DCDC2: variants seen among roughly 807,000 people sequenced by gnomAD.
DCDC2 encodes the protein doublecortin domain-containing protein 2.
In DCDC2, 40 loss-of-function variants were observed where a neutral mutation model predicts 50.2. That is an observed-to-expected ratio of 0.80 (90% CI 0.62 to 1.04). The LOEUF (loss-of-function observed/expected upper bound fraction) is 1.04, where lower values mean the gene tolerates loss of function less well. Among genes scored for constraint, DCDC2 ranks in the 50% least tolerant of loss-of-function variants. The probability of loss-of-function intolerance (pLI) is 0.00; values close to 1 mark genes in which losing one functional copy is unlikely to be tolerated. For synonymous variants in DCDC2, 234 were observed against 210.6 expected (o/e 1.11, Z -0.96); for missense variants, 570 against 581.9 (o/e 0.98, Z 0.21).
At position 24,317,378 on chromosome 6, in the gene DCDC2, A is replaced by T. The variant is rs1282740816; in HGVS notation, c.349-15334T>A. Among the ~76,000 whole-genome samples the T allele has an allele frequency of 3.3e-5, 5 of 152,130 alleles. No individual in the cohort carries two copies. In the East Asian group the frequency reaches 9.6e-4, roughly 29 times the overall value. On this transcript the variant is annotated intron_variant, in intron 2 of 9. Coordinates refer to ENST00000378454, the MANE Select transcript of DCDC2 (RefSeq NM_016356.5). Reference sequence around the variant, plus strand: ...TAGTATATGATGAAGTTGGCATTTCAAATCACTGGAGCAAAGATAAACTTT... The same window carrying T: ...TAGTATATGATGAAGTTGGCATTTCTAATCACTGGAGCAAAGATAAACTTT...
intron 2 of DCDC2, among the ~76,000 whole-genome samples, chr6:24,349,851 A>G (rs1760333046): frequency 6.6e-6 from 1 of 152,148 alleles, no homozygotes; most frequent in African/African-American, 2.4e-5. Flanking sequence ...GATATTAGTA[A>G]AAGCAGGACC....
chr6:24,224,231 T>C (rs1762178866), intron 7 of DCDC2, among the ~76,000 whole-genome samples: 1 of 152,220 alleles, frequency 6.6e-6, no homozygotes, highest in Non-Finnish European at 1.5e-5. Context: ...CATTCATTCA[T>C]CCATTCATTC....
chr6:24,267,507 A>C (rs868448079), intron 7 of DCDC2, among the ~76,000 whole-genome samples: 1 of 152,250 alleles, frequency 6.6e-6, no homozygotes, highest in Non-Finnish European at 1.5e-5. Context: ...GTTAAATGTA[A>C]AAGTATGAAA....
chr6:24,281,910 T>A (rs532462502), intron 6 of DCDC2, among the ~76,000 whole-genome samples: 2 of 152,246 alleles, frequency 1.3e-5, no homozygotes, highest in African/African-American at 4.8e-5. Context: ...ATAAATAAAT[T>A]AACTTTCTAA....
At chr6:24,228,966 G>T (rs1762287750) in intron 7 of DCDC2, among the ~76,000 whole-genome samples, 1 of 152,176 alleles carries the variant, frequency 6.6e-6, no homozygotes, top group Admixed American at 6.5e-5. Context: ...TTCTGGTTCT[G>T]TTTTTGGCTT....
intron 8 of DCDC2, among the ~76,000 whole-genome samples, chr6:24,197,980 C>T (rs1290992498): frequency 6.6e-6 from 1 of 152,128 alleles, no homozygotes; most frequent in Admixed American, 6.5e-5. Context: ...AAAATTAACA[C>T]TACTTAGTCC....
chr6:24,270,273 C>G (rs765592279), intron 7 of DCDC2, among the ~76,000 whole-genome samples: 3 of 152,140 alleles, frequency 2.0e-5, no homozygotes, highest in Non-Finnish European at 4.4e-5. Flanking sequence ...TCTTTTCCCC[C>G]TCATTCACTA....
chr6:24,348,411 A>ACTCATCACC (rs1237579989), intron 2 of DCDC2, among the ~76,000 whole-genome samples: 2 of 152,194 alleles, frequency 1.3e-5, no homozygotes, highest in East Asian at 3.9e-4. Flanking sequence ...AGCAGTCATC[A>ACTCATCACC]CTCAAAGAAG....
At chr6:24,226,488 T>C (rs1468234136) in intron 7 of DCDC2, among the ~76,000 whole-genome samples, 1 of 152,206 alleles carries the variant, frequency 6.6e-6, no homozygotes, top group East Asian at 1.9e-4. Context: ...GAGCAGACTA[T>C]GGCAAGACTT....
chr6:24,176,327 A>C (rs76920301), intron 9 of DCDC2, among the ~76,000 whole-genome samples: 5 of 15,548 alleles, frequency 3.2e-4, no homozygotes, highest in Non-Finnish European at 1.3e-3. Context: ...ATGTTGTCTC[A>C]AAAAAAAAAA....
the DCDC2 span, among the ~76,000 whole-genome samples, chr6:24,382,118 C>T: frequency 6.6e-6 from 1 of 152,062 alleles, no homozygotes; most frequent in Non-Finnish European, 1.5e-5. Context: ...GCTCAAAATC[C>T]TTTCAATACT....
chr6:24,306,331 C>G (rs1470810353), intron 2 of DCDC2, among the ~76,000 whole-genome samples: 1 of 152,146 alleles, frequency 6.6e-6, no homozygotes, highest in South Asian at 2.1e-4. Flanking sequence ...ACACTGATGA[C>G]TGACCTCTTG....
intron 4 of DCDC2, among the ~76,000 whole-genome samples, chr6:24,297,098 G>A (rs1759267688): frequency 6.6e-6 from 1 of 152,158 alleles, no homozygotes; most frequent in Non-Finnish European, 1.5e-5. Context: ...TAAAGAAAAA[G>A]TGGTACATAT....
intron 8 of DCDC2, among the ~76,000 whole-genome samples, chr6:24,180,904 A>G (rs1186228643): frequency 6.6e-6 from 1 of 152,230 alleles, no homozygotes; most frequent in Non-Finnish European, 1.5e-5. Flanking sequence ...TTAAGAAGAA[A>G]GAGTTGGAAC....
chr6:24,275,925 A>G (rs1271526478), intron 7 of DCDC2, among the ~76,000 whole-genome samples: 1 of 132,482 alleles, frequency 7.5e-6, no homozygotes, highest in Non-Finnish European at 1.5e-5. Context: ...GCTGGAGTGC[A>G]GTGACACGAT....
Position 24,178,754 on chromosome 6 carries a change from A to G in DCDC2, c.1024-122T>C, listed in dbSNP as rs1760983484. ...TAAAACATTCTTACATTTGCATAGT[A>G]CTTTACAGTATAGAACGCACTTACG... On this transcript the variant is annotated intron_variant, in intron 8 of 9. Coordinates refer to ENST00000378454, the MANE Select transcript of DCDC2 (RefSeq NM_016356.5). The G allele has an allele frequency of 5.0e-6, 5 of 1,002,610 alleles. No homozygotes were observed. The South Asian group carries it at 8.1e-5, about 16-fold the overall frequency. The allele number at this position is 1,002,610 out of a possible 1,614,324, so 62.1% of individuals were successfully genotyped here.
At chr6:24,184,362 G>A (rs552264192) in intron 8 of DCDC2, among the ~76,000 whole-genome samples, 6 of 151,976 alleles carry the variant, frequency 3.9e-5, no homozygotes, top group South Asian at 4.2e-4. Context: ...AACTGAGCTC[G>A]GGAGTTCAAG....
chr6:24,359,349 TA>T (rs1356212651), upstream of DCDC2, among the ~76,000 whole-genome samples: 13 of 60,818 alleles, frequency 2.1e-4, no homozygotes, highest in African/African-American at 8.3e-4. Flanking sequence ...ATATTATATA[TA>T]TTTTATGTAT....
At chr6:24,236,091 A>T (rs1213891161) in intron 7 of DCDC2, among the ~76,000 whole-genome samples, 4 of 152,194 alleles carry the variant, frequency 2.6e-5, no homozygotes, top group African/African-American at 9.7e-5. Context: ...GAAAAAAAAA[A>T]TTCTAAAATT....
Sources: allele counts gnomAD v4.1 joint callset (sites outside exome capture counted in the v4.1 genomes callset), GRCh38; gene constraint gnomAD v4.1.1; transcripts MANE v1.5; gene names NCBI Gene and HGNC (gene_info 2026-07-23, HGNC 2026-07-21).